MEMO1: variants seen among roughly 807,000 people sequenced by gnomAD.
The protein encoded by MEMO1 is protein MEMO1.
A neutral mutation model predicts 45.2 loss-of-function variants in MEMO1; 6 were observed. That is an observed-to-expected ratio of 0.13 (90% CI 0.07 to 0.26). MEMO1 has a LOEUF of 0.26. Ranked by LOEUF, MEMO1 falls within the 10% of genes least tolerant of loss-of-function variation. The pLI is 1.00. For synonymous variants in MEMO1, 78 were observed against 124.3 expected (o/e 0.63, Z 2.48); for missense variants, 184 against 370.5 (o/e 0.50, Z 4.13).
At chr2:31,915,957 G>A (rs1374802873) in intron 6 of MEMO1, among the ~76,000 whole-genome samples, 1 of 152,028 alleles carries the variant, frequency 6.6e-6, no homozygotes, top group African/African-American at 2.4e-5. Flanking sequence ...ACTGACATAG[G>A]TAATGAGTCC....
At chr2:31,886,163 A>G (rs747351307) in intron 7 of MEMO1, among the ~76,000 whole-genome samples, 9 of 152,220 alleles carry the variant, frequency 5.9e-5, no homozygotes, top group Non-Finnish European at 1.3e-4. Flanking sequence ...TGAAAAACTG[A>G]CTATAAATAT....
intron 2 of MEMO1, among the ~76,000 whole-genome samples, chr2:31,970,470 T>C (rs2148457390): frequency 6.6e-6 from 1 of 152,336 alleles, no homozygotes; most frequent in East Asian, 1.9e-4. Flanking sequence ...TGGTTTTTTA[T>C]TGAATCAAAC....
At position 31,867,897 on chromosome 2, in the gene MEMO1, A is replaced by C. The variant is rs1014211606; in HGVS notation, c.*464T>G. The C allele has an allele frequency of 6.6e-6, 1 of 152,482 alleles. No homozygotes were observed. Among genetic ancestry groups the C allele is most frequent in the Non-Finnish European group, 1.5e-5 (1 of 67,990 alleles). 9.4% of individuals were successfully genotyped at this position (152,482 alleles called of 1,614,324 possible). ...TGTACAACATGGGTAGTAATTGACT[A>C]TAACTGGAGATTTATTATATTCTAA... is the stretch of plus-strand genomic sequence containing the variant. On this transcript the variant is annotated 3_prime_UTR_variant, in exon 10 of 10. Coordinates refer to ENST00000404530, the MANE Select transcript of MEMO1 (RefSeq NM_001301833.4).
At chr2:32,009,417 T>C (rs1464370298) in intron 2 of MEMO1, among the ~76,000 whole-genome samples, 2 of 139,164 alleles carry the variant, frequency 1.4e-5, no homozygotes, top group Non-Finnish European at 3.1e-5. Context: ...AGCCCCAACA[T>C]ACAAAGTGAC....
At chr2:31,907,152 C>T (rs1319020422) in intron 6 of MEMO1, among the ~76,000 whole-genome samples, 2 of 152,130 alleles carry the variant, frequency 1.3e-5, no homozygotes, top group Non-Finnish European at 2.9e-5. Flanking sequence ...CTTCAAAATC[C>T]ATTCAAATGC....
intron 2 of MEMO1, among the ~76,000 whole-genome samples, chr2:31,954,386 C>T (rs1191618031): frequency 6.6e-6 from 1 of 151,992 alleles, no homozygotes; most frequent in African/African-American, 2.4e-5. Flanking sequence ...AAGTTCGTGA[C>T]CAGCTTGGTC....
At chr2:32,007,480 A>G (rs1033558857) in intron 2 of MEMO1, among the ~76,000 whole-genome samples, 3 of 152,366 alleles carry the variant, frequency 2.0e-5, no homozygotes, top group Admixed American at 6.5e-5. Context: ...GATCTAGCAT[A>G]TAACAAGGGA....
chr2:31,937,515 A>G (rs1214792830), intron 3 of MEMO1, among the ~76,000 whole-genome samples: 1 of 152,202 alleles, frequency 6.6e-6, no homozygotes, highest in Non-Finnish European at 1.5e-5. Context: ...ATCCAGTGGT[A>G]GAGCACTGTA....
At chr2:31,970,553 T>A (rs1050152506) in intron 2 of MEMO1, among the ~76,000 whole-genome samples, 1 of 152,208 alleles carries the variant, frequency 6.6e-6, no homozygotes, top group South Asian at 2.1e-4. Context: ...AGGTTTACTA[T>A]CTGTTATCAT....
At chr2:31,965,914 G>A (rs1037538572) in intron 2 of MEMO1, among the ~76,000 whole-genome samples, 35 of 152,152 alleles carry the variant, frequency 2.3e-4, no homozygotes, top group African/African-American at 8.0e-4. Flanking sequence ...AACCACCATG[G>A]CATACGTTTA....
intron 4 of MEMO1, among the ~76,000 whole-genome samples, chr2:31,925,137 T>C (rs1342914847): frequency 6.6e-6 from 1 of 152,168 alleles, no homozygotes; most frequent in Non-Finnish European, 1.5e-5. Context: ...CTTCAAACTT[T>C]TCACCCATGC....
intron 2 of MEMO1, among the ~76,000 whole-genome samples, chr2:32,003,496 G>A (rs1459312931): frequency 6.6e-6 from 1 of 152,070 alleles, no homozygotes; most frequent in Admixed American, 6.6e-5. Flanking sequence ...ATCCACCAAG[G>A]TATATACTTG....
chr2:31,994,667 G>A (rs987735493), intron 2 of MEMO1, among the ~76,000 whole-genome samples: 2 of 151,920 alleles, frequency 1.3e-5, no homozygotes, highest in African/African-American at 4.8e-5. Flanking sequence ...ATAGACATAC[G>A]GCCAGGCACA....
chr2:31,896,852 G>C (rs899749843), intron 6 of MEMO1, among the ~76,000 whole-genome samples: 6 of 152,156 alleles, frequency 3.9e-5, no homozygotes, highest in Non-Finnish European at 2.9e-5. Flanking sequence ...TGTATGAATA[G>C]ATATTTCACA....
intron 8 of MEMO1, among the ~76,000 whole-genome samples, chr2:31,882,164 T>A (rs1190075331): frequency 1.3e-5 from 2 of 150,506 alleles, no homozygotes; most frequent in East Asian, 3.9e-4. Flanking sequence ...AATAAATAAA[T>A]AAATATTAGT....
At chr2:31,881,616 A>T (rs1412132936) in intron 8 of MEMO1, among the ~76,000 whole-genome samples, 1 of 152,148 alleles carries the variant, frequency 6.6e-6, no homozygotes, top group Non-Finnish European at 1.5e-5. Flanking sequence ...AAGAGAAAAA[A>T]ACAAATTATT....
At position 31,903,901 on chromosome 2, in the gene MEMO1, C is replaced by T. The variant is rs535887272; in HGVS notation, c.438-11767G>A. 3.9e-5 allele frequency among the ~76,000 whole-genome samples: 6 copies of T among 152,334 alleles called. No homozygotes were observed. The South Asian group carries it at 8.3e-4, about 21-fold the overall frequency. On this transcript the variant is annotated intron_variant, in intron 6 of 9. Coordinates refer to ENST00000404530, the MANE Select transcript of MEMO1 (RefSeq NM_001301833.4). Reference sequence around the variant, plus strand: ...GAATCTCTGGCTTCTTTTTATTCTACGTCCAGAGAGAAGCCATTCCATTCC... The same window carrying T: ...GAATCTCTGGCTTCTTTTTATTCTATGTCCAGAGAGAAGCCATTCCATTCC...
rs1682671440 is a variant in MEMO1, at chr2:31,923,703, G to C, written c.213-2793C>G. 5 of 1,546,634 alleles carry C rather than the reference G, an allele frequency of 3.2e-6. No individual in the cohort carries two copies. The South Asian group carries it at 6.0e-5, about 19-fold the overall frequency. ...GAAAATATGAAAAGACAGAGAGAAA[G>C]GATATTTAACATCAGAGCACTCCTG... On this transcript the variant is annotated intron_variant, in intron 4 of 9. Transcript: ENST00000404530.
intron 2 of MEMO1, among the ~76,000 whole-genome samples, chr2:31,988,149 C>T (rs1346533937): frequency 6.6e-6 from 1 of 152,132 alleles, no homozygotes; most frequent in African/African-American, 2.4e-5. Context: ...TACCAGAAGT[C>T]TGCAGGACCT....
Sources: gnomAD v4.1 joint callset for allele counts (sites outside exome capture counted in the v4.1 genomes callset) on GRCh38, gnomAD v4.1.1 for gene constraint, MANE v1.5 for transcripts, NCBI Gene and HGNC (gene_info 2026-07-23, HGNC 2026-07-21) for gene names.